Variants in CHCHD6 observed in about 807,000 individuals in gnomAD.
CHCHD6 encodes MICOS complex subunit MIC25.
In CHCHD6, 28 loss-of-function variants were observed where a neutral mutation model predicts 32.3. The observed-to-expected ratio is 0.87, with a 90% CI of 0.64 to 1.19. CHCHD6 has a LOEUF of 1.19. CHCHD6 is among the 50% of genes most tolerant of loss of function. CHCHD6 has a pLI of 0.00. For missense variants in CHCHD6, 333 were observed against 307.0 expected (o/e 1.08, Z -0.63); for synonymous variants, 122 against 117.5 (o/e 1.04, Z -0.25).
chr3:126,771,708 G>A (rs1010755565), intron 4 of CHCHD6, among the ~76,000 whole-genome samples: 1 of 151,998 alleles, frequency 6.6e-6, no homozygotes, highest in African/African-American at 2.4e-5. Flanking sequence ...TGCTTCTCTG[G>A]TTCTTCTAGT....
chr3:126,892,642 T>C (rs1280906415), intron 5 of CHCHD6, among the ~76,000 whole-genome samples: 1 of 152,202 alleles, frequency 6.6e-6, no homozygotes, highest in Admixed American at 6.5e-5. Flanking sequence ...CTGCTTTCCT[T>C]CTCTGCATAA....
chr3:126,953,094 C>T (rs1324642494), intron 6 of CHCHD6: 2 of 985,464 alleles, frequency 2.0e-6, no homozygotes, highest in African/African-American at 3.5e-5. Flanking sequence ...CTCCTGCCAT[C>T]CTCTCAACAG....
At chr3:126,841,566 T>C (rs1390281461) in intron 4 of CHCHD6, among the ~76,000 whole-genome samples, 2 of 152,104 alleles carry the variant, frequency 1.3e-5, no homozygotes, top group African/African-American at 4.8e-5. Flanking sequence ...ACTATAACCA[T>C]CATTTATCTT....
chr3:126,723,450 G>A (rs1158430793), intron 1 of CHCHD6, among the ~76,000 whole-genome samples: 2 of 152,094 alleles, frequency 1.3e-5, no homozygotes, highest in East Asian at 3.8e-4. Flanking sequence ...AAATCCAAAT[G>A]CAGTTCACAC....
chr3:126,925,441 A>G lies in CHCHD6; in HGVS notation c.566+10691A>G, dbSNP rs754316921. ...TCTAGCAAAGAACTTCCTGATTTGC[A>G]ATGAGGCATTATAATGTGATAACCA... On this transcript the variant is annotated intron_variant, in intron 6 of 7. Transcript: ENST00000290913. Among the ~76,000 whole-genome samples, 31 of 152,214 alleles carry G rather than the reference A, an allele frequency of 2.0e-4. 1 individual carries two copies. Among genetic ancestry groups the G allele is most frequent in the Non-Finnish European group, 5.9e-5 (4 of 68,038 alleles).
chr3:126,726,845 C>T (rs1373184250), intron 1 of CHCHD6, among the ~76,000 whole-genome samples: 4 of 151,998 alleles, frequency 2.6e-5, no homozygotes, highest in African/African-American at 2.4e-5. Flanking sequence ...GGGGTAAAGC[C>T]GCAAAGCCAG....
chr3:126,770,489 C>T (rs1937524119), intron 4 of CHCHD6, among the ~76,000 whole-genome samples: 8 of 152,104 alleles, frequency 5.3e-5, no homozygotes, highest in Admixed American at 5.2e-4. Flanking sequence ...CTCTTATTTT[C>T]AAGTATGCTC....
intron 4 of CHCHD6, among the ~76,000 whole-genome samples, chr3:126,803,131 C>T (rs1184688011): frequency 5.3e-5 from 8 of 152,042 alleles, no homozygotes; most frequent in East Asian, 1.9e-4. Flanking sequence ...AAAAGACCAT[C>T]GAGACTAGGA....
chr3:126,810,015 A>G (rs1410056058), intron 4 of CHCHD6, among the ~76,000 whole-genome samples: 1 of 152,194 alleles, frequency 6.6e-6, no homozygotes, highest in Non-Finnish European at 1.5e-5. Context: ...AATAATATAC[A>G]TTTTCCATGA....
intron 5 of CHCHD6, among the ~76,000 whole-genome samples, chr3:126,906,257 T>A (rs997411115): frequency 6.6e-6 from 1 of 152,180 alleles, no homozygotes; most frequent in Non-Finnish European, 1.5e-5. Context: ...CCCACCCATC[T>A]CTCTGGGCCA....
At chr3:126,712,094 A>T (rs765528344) in intron 1 of CHCHD6, among the ~76,000 whole-genome samples, 1 of 152,196 alleles carries the variant, frequency 6.6e-6, no homozygotes, top group East Asian at 1.9e-4. Flanking sequence ...TCTTAAAGAC[A>T]GGATGGTTGA....
intron 5 of CHCHD6, among the ~76,000 whole-genome samples, chr3:126,884,956 A>G (rs374881626): frequency 7.9e-5 from 12 of 152,274 alleles, no homozygotes; most frequent in East Asian, 5.8e-4. Flanking sequence ...GAGATCCTCA[A>G]TGTCTCTGCA....
At chr3:126,913,277 T>C (rs1364949949) in intron 5 of CHCHD6, among the ~76,000 whole-genome samples, 1 of 134,356 alleles carries the variant, frequency 7.4e-6, no homozygotes, top group Non-Finnish European at 1.5e-5. Context: ...TCGCCCAGGC[T>C]GAAGTACAGT....
In CHCHD6 at chr3:126,713,137, A is replaced by G. The variant is rs533207544; in HGVS notation, c.87+8738A>G. On this transcript the variant is annotated intron_variant, in intron 1 of 7. Transcript: ENST00000290913. ...TTCTTTATTAGCTTGCTTCCCACAA[A>G]TCTATACTTTCTGGTGCTACCAGGC... is the stretch of plus-strand genomic sequence containing the variant. 1.4e-4 allele frequency among the ~76,000 whole-genome samples: 22 copies of G among 152,198 alleles called. 1 individual carries two copies. The East Asian group carries it at 3.5e-3, about 24-fold the overall frequency.
At chr3:126,816,477 C>G (rs1939906739) in intron 4 of CHCHD6, among the ~76,000 whole-genome samples, 1 of 152,162 alleles carries the variant, frequency 6.6e-6, no homozygotes, top group South Asian at 2.1e-4. Context: ...AGCCAGCCAG[C>G]TGTCATTGCC....
At chr3:126,798,412 G>A (rs963536649) in intron 4 of CHCHD6, among the ~76,000 whole-genome samples, 5 of 152,260 alleles carry the variant, frequency 3.3e-5, no homozygotes, top group African/African-American at 1.2e-4. Context: ...AGGTTTCTCG[G>A]GTCTGTGTTG....
At chr3:126,875,386 C>A (rs558477435) in intron 5 of CHCHD6, among the ~76,000 whole-genome samples, 1 of 152,340 alleles carries the variant, frequency 6.6e-6, no homozygotes, top group African/African-American at 2.4e-5. Flanking sequence ...CAGTGGACAC[C>A]TGGGACTGTT....
At chr3:126,773,769 C>G (rs1371705088) in intron 4 of CHCHD6, among the ~76,000 whole-genome samples, 1 of 152,080 alleles carries the variant, frequency 6.6e-6, no homozygotes, top group Admixed American at 6.6e-5. Context: ...TCATGCCCAG[C>G]TAATTTTTTG....
chr3:126,726,540 C>T (rs979844719), intron 1 of CHCHD6, among the ~76,000 whole-genome samples: 4 of 146,482 alleles, frequency 2.7e-5, no homozygotes, highest in Admixed American at 6.9e-5. Flanking sequence ...TTGCCACAGA[C>T]CTTCAACTTG....
Sources: allele counts gnomAD v4.1 joint callset (sites outside exome capture counted in the v4.1 genomes callset), GRCh38; gene constraint gnomAD v4.1.1; transcripts MANE v1.5; gene names NCBI Gene and HGNC (gene_info 2026-07-23, HGNC 2026-07-21).